The following MEGF6 variants were observed in gnomAD, a reference collection of about 807,000 sequenced individuals.
The protein encoded by MEGF6 is multiple epidermal growth factor-like domains protein 6.
A neutral mutation model predicts 207.1 loss-of-function variants in MEGF6; 184 were observed. The ratio of observed to expected loss-of-function variants is 0.89; its 90% confidence interval spans 0.79 to 1.00. The LOEUF (loss-of-function observed/expected upper bound fraction) is 1.00, where lower values mean the gene tolerates loss of function less well. Ranked by LOEUF, MEGF6 falls within the 50% of genes least tolerant of loss-of-function variation. MEGF6 has a pLI of 0.00. For synonymous variants in MEGF6, 1,038 were observed against 910.0 expected (o/e 1.14, Z -2.53); for missense variants, 2,282 against 2,202.9 (o/e 1.04, Z -0.72).
chr1:3,587,700 G>A (rs1490507165), intron 3 of MEGF6, among the ~76,000 whole-genome samples: 2 of 152,166 alleles, frequency 1.3e-5, no homozygotes, highest in Non-Finnish European at 2.9e-5. Context: ...CTCATGCGTG[G>A]ACCTGGCTAT....
intron 31 of MEGF6, 30 bp from the exon 32 acceptor site, chr1:3,494,529 C>G: frequency 1.3e-6 from 2 of 1,576,218 alleles, no homozygotes; most frequent in South Asian, 2.3e-5. Context: ...GGCAGTCCTT[C>G]GGCACCAGCC....
At chr1:3,624,051 CCTGA>C in the MEGF6 span, among the ~76,000 whole-genome samples, 2 of 152,198 alleles carry the variant, frequency 1.3e-5, no homozygotes, top group African/African-American at 4.8e-5. Flanking sequence ...ATCCCCACTC[CCTGA>C]CTGAAGTAAA....
chr1:3,577,736 C>A (rs1226737969), intron 4 of MEGF6, among the ~76,000 whole-genome samples: 1 of 152,178 alleles, frequency 6.6e-6, no homozygotes, highest in Non-Finnish European at 1.5e-5. Context: ...CTGAGTGCAC[C>A]CCACCCCCAA....
chr1:3,579,691 T>G, intron 4 of MEGF6, 134 bp downstream of exon 4: 1 of 571,758 alleles, frequency 1.7e-6, no homozygotes, highest in East Asian at 3.5e-5. Context: ...CGGAATGTCC[T>G]CAGAAGAATG....
chr1:3,557,718 C>T (rs1026254855), intron 4 of MEGF6, among the ~76,000 whole-genome samples: 1 of 152,220 alleles, frequency 6.6e-6, no homozygotes, highest in African/African-American at 2.4e-5. Context: ...AGACGGGGGG[C>T]CCAGGAAGCA....
chr1:3,532,274 A>C (rs943288118), intron 4 of MEGF6, among the ~76,000 whole-genome samples: 2 of 152,362 alleles, frequency 1.3e-5, no homozygotes, highest in South Asian at 4.1e-4. Flanking sequence ...CAGGAGAGCC[A>C]GGGCTGTGAT....
At chr1:3,517,527 C>A (rs1187423592) in intron 5 of MEGF6, among the ~76,000 whole-genome samples, 1 of 152,246 alleles carries the variant, frequency 6.6e-6, no homozygotes, top group Non-Finnish European at 1.5e-5. Flanking sequence ...TCCCGGAAAG[C>A]TGAACCAGGC....
At chr1:3,540,815 G>A (rs79983520) in intron 4 of MEGF6, among the ~76,000 whole-genome samples, 474 of 152,312 alleles carry the variant, frequency 3.1e-3, no homozygotes, top group Middle Eastern at 0.017. Context: ...CTGCCTACGA[G>A]GCCCCACCTC....
chr1:3,595,620 T>C (rs1171743889), intron 2 of MEGF6, among the ~76,000 whole-genome samples, 173 bp from the exon 3 acceptor site: 1 of 152,170 alleles, frequency 6.6e-6, no homozygotes, highest in East Asian at 1.9e-4. Context: ...CAGGTTCTTC[T>C]GAACGAGGGG....
rs993618077 is a variant in MEGF6, at chr1:3,488,202, G to A, written c.*2326C>T. ...TTTGTAACCGTTAACATTAGGATCT[G>A]TGAGCGTGTTTTCTAGTTATTCTGC... On this transcript the variant is annotated 3_prime_UTR_variant, in exon 37 of 37. Coordinates refer to ENST00000356575, the MANE Select transcript of MEGF6 (RefSeq NM_001409.4). Among the ~76,000 whole-genome samples the A allele has an allele frequency of 3.3e-5, 5 of 152,208 alleles. No homozygotes were observed. The highest frequency in any genetic ancestry group is 1.3e-4 in the Admixed American group (2 of 15,272).
Position 3,505,213 on chromosome 1 carries a change from CCA to C in MEGF6, c.2181_2182del (p.Cys727TrpfsTer43), listed in dbSNP as rs1166273694. On this transcript the variant is annotated frameshift_variant, in exon 17 of 37. Transcript: ENST00000356575. LOFTEE classifies it high-confidence loss of function. Reference sequence around the variant, plus strand: ...CCCAGGGGCCGGCCACTCACCTTGGCCACAGTCCTCTCCCTGGAAGCCAGCAG... The same window carrying C: ...CCCAGGGGCCGGCCACTCACCTTGGCCAGTCCTCTCCCTGGAAGCCAGCAG... 2 of 1,611,698 alleles carry C rather than the reference CCA, an allele frequency of 1.2e-6. No homozygotes were observed. Among genetic ancestry groups the C allele is most frequent in the African/African-American group, 2.7e-5 (2 of 74,910 alleles).
At chr1:3,568,733 C>T (rs1643418875) in intron 4 of MEGF6, among the ~76,000 whole-genome samples, 1 of 152,114 alleles carries the variant, frequency 6.6e-6, no homozygotes, top group Admixed American at 6.5e-5. Context: ...TCTACATCAG[C>T]AGGATGGGCC....
chr1:3,549,451 C>T (rs1023243183), intron 4 of MEGF6, among the ~76,000 whole-genome samples: 1 of 152,222 alleles, frequency 6.6e-6, no homozygotes, highest in Non-Finnish European at 1.5e-5. Context: ...TCTCTTTCCT[C>T]CAAAACCCAG....
At position 3,495,987 on chromosome 1, in the gene MEGF6, G is replaced by A. The variant is rs978083142; in HGVS notation, c.3774C>T (p.Cys1258=). 1.3e-5 allele frequency: 21 copies of A among 1,557,022 alleles called. No individual in the cohort carries two copies. The highest frequency in any genetic ancestry group is 1.8e-5 in the Non-Finnish European group (21 of 1,159,202). Residue 1258 remains cysteine (C), a synonymous_variant, in exon 30 of 37, where the codon TGC becomes TGT. Transcript: ENST00000356575. ...TCPQGRFGPN[C]THVCGCGQGA... ...CCTGCCCACACCCACACACGTGGGT[G>A]CAGTTGGGGCCGAAGCGGCCCTGCG...
rs772920992 is a variant in MEGF6 at position 3,595,359 on chromosome 1, C to T, written c.355G>A (p.Asp119Asn). 6.8e-6 allele frequency: 11 copies of T among 1,611,816 alleles called. No individual in the cohort carries two copies. Among genetic ancestry groups the T allele is most frequent in the African/African-American group, 2.7e-5 (2 of 74,876 alleles). Residue 119 changes from aspartate (D) to asparagine (N), a missense_variant, in exon 3 of 37, where the codon GAC becomes AAC. Transcript: ENST00000356575. The part of the protein sequence containing the change: ...RCCRGWMQQP[D>N]EEGCLSAECS... Reference sequence around the variant, plus strand: ...TCACCCGAGAGGCAGCCCTCCTCGTCGGGCTGCTGCATCCACCCTCGGCAG... The same window carrying T: ...TCACCCGAGAGGCAGCCCTCCTCGTTGGGCTGCTGCATCCACCCTCGGCAG...
chr1:3,514,767 G>A, intron 6 of MEGF6, 95 bp from the exon 7 acceptor site: 2 of 1,346,412 alleles, frequency 1.5e-6, no homozygotes, highest in Non-Finnish European at 2.0e-6. Flanking sequence ...CCCTCACCCA[G>A]TGCTCTCCCC....
rs775006659 is a variant in MEGF6, at chr1:3,511,663, C to T, written c.1001G>A (p.Ser334Asn). The change falls in exon 9 of 37, where the codon AGC becomes AAC. Residue 334 changes from serine to asparagine, a missense_variant. Transcript: ENST00000356575. The part of the protein sequence containing the change: ...CYRIEMEIVN[S>N]CEANNGGCSH... The stretch of plus-strand genomic sequence containing the variant: ...GCAGCCGCCGTTGTTGGCCTCACAG[C>T]TGTTCACGATTTCCATCTCAATCCC... 1 of 1,610,224 alleles carries T rather than the reference C, an allele frequency of 6.2e-7. No individual in the cohort carries two copies. The highest frequency in any genetic ancestry group is 1.3e-5 in the African/African-American group (1 of 74,854).
chr1:3,571,823 GCTGGGTGTGCTAGGTCCTC>G (rs1570162124), intron 4 of MEGF6, among the ~76,000 whole-genome samples: 2 of 105,316 alleles, frequency 1.9e-5, no homozygotes, highest in South Asian at 3.3e-4. Flanking sequence ...GCTGGGTCCT[GCTGGGTGTGCTAGGTCCTC>G]CTGGGTGTGC....
Position 3,499,718 on chromosome 1 carries a change from T to C in MEGF6, c.2837-2A>G, listed in dbSNP as rs747411746. ...ATCCAAAGAAGCCGGCCGGGCAGGC[T>C]GCAGACAGCGGGCAGTGATGTGGAG... On this transcript the variant is annotated splice_acceptor_variant, in intron 22 of 36. Coordinates refer to ENST00000356575, the MANE Select transcript of MEGF6 (RefSeq NM_001409.4). LOFTEE classifies it high-confidence loss of function. 6.2e-7 allele frequency: 1 copy of C among 1,603,788 alleles called. No individual in the cohort carries two copies.
Sources: gnomAD v4.1 joint callset for allele counts (sites outside exome capture counted in the v4.1 genomes callset) on GRCh38, gnomAD v4.1.1 for gene constraint, MANE v1.5 for transcripts, NCBI Gene and HGNC (gene_info 2026-07-23, HGNC 2026-07-21) for gene names.